ACADSB: variants seen among roughly 807,000 people sequenced by gnomAD.
The protein encoded by ACADSB is acyl-CoA dehydrogenase short/branched chain, also known as short/branched chain specific acyl-CoA dehydrogenase, mitochondrial.
A neutral mutation model predicts 54.1 loss-of-function variants in ACADSB; 40 were observed. The observed-to-expected ratio is 0.74, with a 90% CI of 0.57 to 0.96. ACADSB has a LOEUF of 0.96. ACADSB is among the 40% of genes least tolerant of loss of function. The pLI, the probability that ACADSB is intolerant of heterozygous loss-of-function variation, is 0.00. For synonymous variants in ACADSB, 182 were observed against 182.8 expected, an observed-to-expected ratio of 1.00 and a Z score of 0.03; for missense variants, 530 against 510.4, an observed-to-expected ratio of 1.04 and a Z score of -0.37.
At chr10:123,053,653 G>A (rs1332346067) in intron 10 of ACADSB, 42 bp from the exon 11 acceptor site, 7 of 1,543,702 alleles carry the variant, frequency 4.5e-6, no homozygotes, top group Non-Finnish European at 6.3e-6. Flanking sequence ...TCTTAACCAT[G>A]CGCCAACTCC....
intron 9 of ACADSB, 28 bp downstream of exon 9, chr10:123,051,214 G>GAAAAAAAAAAA (rs1850629262): frequency 8.0e-7 from 1 of 1,252,766 alleles, no homozygotes. Context: ...AAAAAAAAAG[G>GAAAAAAAAAAA]AAAAAGTAAT....
intron 5 of ACADSB, among the ~76,000 whole-genome samples, chr10:123,041,790 G>A (rs909249142): frequency 6.6e-6 from 1 of 152,036 alleles, no homozygotes; most frequent in Non-Finnish European, 1.5e-5. Flanking sequence ...CATGTGCATA[G>A]GTTATATGCA....
intron 1 of ACADSB, among the ~76,000 whole-genome samples, chr10:123,021,897 C>G (rs1287502016): frequency 6.6e-6 from 1 of 151,874 alleles, no homozygotes; most frequent in African/African-American, 2.4e-5. Context: ...TCTGTTTTTC[C>G]CAAAGAGTCC....
At chr10:123,022,152 A>G (rs1374776278) in intron 1 of ACADSB, among the ~76,000 whole-genome samples, 1 of 152,220 alleles carries the variant, frequency 6.6e-6, no homozygotes, top group Non-Finnish European at 1.5e-5. Context: ...TAAATCTCCT[A>G]TTACCCAACT....
In ACADSB at chr10:123,052,523, G is replaced by A. The variant is rs1048418505; in HGVS notation, c.1129-538G>A. On this transcript the variant is annotated intron_variant, in intron 9 of 10. Coordinates refer to ENST00000358776, the MANE Select transcript of ACADSB (RefSeq NM_001609.4). This position sits in a 1 kb window ranked among gnomAD's most constrained non-coding sequence, Gnocchi z 4.2. ...TAATTCAGGGTAATCTCTCCATCTC[G>A]TGTCCTTACCCACATCTGCAGAGTC... Among the ~76,000 whole-genome samples, 7 of 152,068 alleles carry A rather than the reference G, an allele frequency of 4.6e-5. No individual in the cohort carries two copies. The highest frequency in any genetic ancestry group is 1.4e-4 in the African/African-American group (6 of 41,416).
At position 123,054,457 on chromosome 10, in the gene ACADSB, A is replaced by G. The variant is rs1227978716; in HGVS notation, c.*692A>G. On this transcript the variant is annotated 3_prime_UTR_variant, in exon 11 of 11. Transcript: ENST00000358776. ...TATTAAATCTTAATCTTGTGGCATC[A>G]GGGAAATATTTGTTACATAGTAGGC... 1 of 152,234 alleles carries G rather than the reference A, an allele frequency of 6.6e-6. No individual in the cohort carries two copies. The highest frequency in any genetic ancestry group is 1.9e-4 in the East Asian group (1 of 5,198). The allele number at this position is 152,234 out of a possible 1,614,324, so 9.4% of individuals were successfully genotyped here. A position where few individuals can be genotyped will look rare whatever the true frequency, so the allele number is the denominator to read the frequency against.
At chr10:123,034,664 T>C (rs972553082) in intron 2 of ACADSB, 149 bp downstream of exon 2, 13 of 820,712 alleles carry the variant, frequency 1.6e-5, no homozygotes, top group Non-Finnish European at 2.6e-5. Flanking sequence ...CACCTTATTA[T>C]TCCTCTGGTC....
At chr10:123,012,904 T>C (rs539684203) in intron 1 of ACADSB, among the ~76,000 whole-genome samples, 2 of 152,208 alleles carry the variant, frequency 1.3e-5, no homozygotes, top group Non-Finnish European at 2.9e-5. Context: ...TGGATTGGTC[T>C]GTTTTGACAG....
chr10:123,010,231 C>T (rs1332057742), intron 1 of ACADSB, among the ~76,000 whole-genome samples: 1 of 152,222 alleles, frequency 6.6e-6, no homozygotes, highest in Non-Finnish European at 1.5e-5. Flanking sequence ...TCTCAATTCT[C>T]ACAACCATCT....
chr10:123,050,900 C>T, intron 8 of ACADSB, 149 bp from the exon 9 acceptor site: 1 of 724,826 alleles, frequency 1.4e-6, no homozygotes, highest in East Asian at 2.8e-5. Context: ...TTAGATTACT[C>T]ATTTTAAAGT....
At chr10:123,013,553 G>T (rs1850068461) in intron 1 of ACADSB, among the ~76,000 whole-genome samples, 1 of 152,378 alleles carries the variant, frequency 6.6e-6, no homozygotes, top group Admixed American at 6.5e-5. Context: ...TGGAGCAGGG[G>T]GTGGCGCTCG....
At chr10:123,045,157 A>ATTTTTTTTTTTTTTT (rs1564752971) in intron 7 of ACADSB, among the ~76,000 whole-genome samples, 1 of 12,696 alleles carries the variant, frequency 7.9e-5, no homozygotes, top group Non-Finnish European at 1.5e-4. Flanking sequence ...ATATATATAT[A>ATTTTTTTTTTTTTTT]TATATATATA....
At chr10:123,035,411 G>A (rs1259658777) in intron 2 of ACADSB, among the ~76,000 whole-genome samples, 1 of 152,166 alleles carries the variant, frequency 6.6e-6, no homozygotes, top group Non-Finnish European at 1.5e-5. Flanking sequence ...ATAGATATAG[G>A]TGTAAAATTA....
chr10:123,051,166 G>A lies in ACADSB; in HGVS notation c.1108G>A (p.Ala370Thr), dbSNP rs1241593167. 1.4e-6 allele frequency: 2 copies of A among 1,449,100 alleles called. No individual in the cohort carries two copies. Among genetic ancestry groups the A allele is most frequent in the South Asian group, 1.2e-5 (1 of 83,782 alleles). The allele number at this position is 1,449,100 out of a possible 1,614,324, so 89.8% of individuals were successfully genotyped here. The change falls in exon 9 of 11, where the codon GCC becomes ACC. Residue 370 changes from alanine (A) to threonine (T), a missense_variant. By Grantham distance (58) the Ala-to-Thr change is moderately conservative. Coordinates refer to ENST00000358776, the MANE Select transcript of ACADSB (RefSeq NM_001609.4). ...GKPFIKEASM[A>T]KYYASEIAGQ... ...GCCATTCATAAAAGAAGCGTCAATG[G>A]CCAAATACTATGCATCAGAGGTAAA...
chr10:123,021,800 T>C (rs1432427152), intron 1 of ACADSB, among the ~76,000 whole-genome samples: 1 of 152,240 alleles, frequency 6.6e-6, no homozygotes, highest in Admixed American at 6.5e-5. Context: ...GAATAGATTT[T>C]GAGAGGGATC....
At chr10:123,013,950 A>G (rs2133454100) in intron 1 of ACADSB, among the ~76,000 whole-genome samples, 1 of 152,272 alleles carries the variant, frequency 6.6e-6, no homozygotes, top group Non-Finnish European at 1.5e-5. Context: ...AAGGGCTCCC[A>G]CGGTGCAGCG....
At chr10:123,013,826 C>T (rs1326469771) in intron 1 of ACADSB, among the ~76,000 whole-genome samples, 1 of 152,218 alleles carries the variant, frequency 6.6e-6, no homozygotes, top group African/African-American at 2.4e-5. Context: ...CCACGCCCAC[C>T]CGGAACTCTA....
At position 123,021,221 on chromosome 10, in the gene ACADSB, A is replaced by G. The variant is rs1850180067; in HGVS notation, c.42+12150A>G. Among the ~76,000 whole-genome samples the G allele has an allele frequency of 2.0e-5, 3 of 152,336 alleles. No individual in the cohort carries two copies. The South Asian group carries it at 6.2e-4, about 32-fold the overall frequency. ...TTAACCCCAGTATTTTATTTTTAAA[A>G]TGAAACCTTATAGACAAATCCATTC... On this transcript the variant is annotated intron_variant, in intron 1 of 10. Transcript: ENST00000358776.
At chr10:123,043,311 G>C in intron 6 of ACADSB, 140 bp downstream of exon 6, 1 of 1,065,714 alleles carries the variant, frequency 9.4e-7, no homozygotes, top group Non-Finnish European at 1.4e-6. Flanking sequence ...ACCCTGAACA[G>C]CGCTCTTTAG....
Sources: gnomAD v4.1 joint callset for allele counts (sites outside exome capture counted in the v4.1 genomes callset) on GRCh38, gnomAD v4.1.1 for gene constraint, Gnocchi (gnomAD v3.1) non-coding constraint, MANE v1.5 for transcripts, NCBI Gene and HGNC (gene_info 2026-07-23, HGNC 2026-07-21) for gene names.